DCC: variants seen among roughly 807,000 people sequenced by gnomAD.
DCC encodes the protein DCC netrin 1 receptor, also known as netrin receptor DCC.
Under a neutral mutation model 172.5 loss-of-function variants are expected in DCC, and 58 were observed. That is an observed-to-expected ratio of 0.34 (90% CI 0.27 to 0.42). The LOEUF is 0.42. DCC is among the 10% of genes least tolerant of loss of function. The pLI, the probability that DCC is intolerant of heterozygous loss-of-function variation, is 1.00. For missense variants in DCC, 1,740 were observed against 1,791.0 expected, an observed-to-expected ratio of 0.97 and a Z score of 0.51; for synonymous variants, 709 against 644.5, an observed-to-expected ratio of 1.10 and a Z score of -1.52.
chr18:52,600,260 T>C (rs1239239125), intron 1 of DCC, among the ~76,000 whole-genome samples: 1 of 152,184 alleles, frequency 6.6e-6, no homozygotes, highest in Non-Finnish European at 1.5e-5. Flanking sequence ...TTTATTGAAA[T>C]GACCAGGTTT....
At chr18:52,957,500 CT>C (rs1313912191) in intron 5 of DCC, among the ~76,000 whole-genome samples, 4 of 152,060 alleles carry the variant, frequency 2.6e-5, no homozygotes, top group African/African-American at 4.8e-5. Context: ...TGTAGAACAT[CT>C]GCTAAATACC....
rs905278116 is a variant in DCC at position 53,308,219 on chromosome 18, T to G, written c.2053+2500T>G. ...TGGAATACTATATGTCTAATTTAAATGAAATAGTGTAAAAATGTTAAATCA... is the reference window on the plus strand; with the variant it reads ...TGGAATACTATATGTCTAATTTAAAGGAAATAGTGTAAAAATGTTAAATCA... On this transcript the variant is annotated intron_variant, in intron 13 of 28. Transcript: ENST00000442544. Among the ~76,000 whole-genome samples, 3 of 151,678 alleles carry G rather than the reference T, an allele frequency of 2.0e-5. No individual in the cohort carries two copies. In the South Asian group the frequency reaches 6.2e-4, roughly 31 times the overall value.
chr18:52,505,669 C>T (rs554411969), intron 1 of DCC, among the ~76,000 whole-genome samples: 66 of 152,182 alleles, frequency 4.3e-4, no homozygotes, highest in African/African-American at 1.5e-3. Flanking sequence ...TCCACACCAT[C>T]TGAGAATTGA....
intron 1 of DCC, among the ~76,000 whole-genome samples, chr18:52,570,699 A>G (rs1184449486): frequency 6.6e-6 from 1 of 152,212 alleles, no homozygotes; most frequent in Non-Finnish European, 1.5e-5. Flanking sequence ...TGGTCTCATG[A>G]TACTAAATTC....
At chr18:53,176,538 C>A (rs1476661918) in intron 8 of DCC, among the ~76,000 whole-genome samples, 1 of 151,596 alleles carries the variant, frequency 6.6e-6, no homozygotes, top group African/African-American at 2.4e-5. Flanking sequence ...AGACACTTCT[C>A]AAAAGAAGAC....
intron 14 of DCC, among the ~76,000 whole-genome samples, chr18:53,324,697 G>A (rs1265795207): frequency 6.6e-6 from 1 of 151,928 alleles, no homozygotes. Context: ...AAAGTCATGA[G>A]GTTATAATTT....
At chr18:52,367,585 T>C (rs529497363) in intron 1 of DCC, among the ~76,000 whole-genome samples, 5 of 152,376 alleles carry the variant, frequency 3.3e-5, no homozygotes, top group Admixed American at 2.6e-4. Flanking sequence ...TGTTATGTAT[T>C]GGCTTTTCTC....
intron 1 of DCC, among the ~76,000 whole-genome samples, chr18:52,517,956 T>C (rs1261994014): frequency 1.3e-5 from 2 of 152,220 alleles, no homozygotes; most frequent in Non-Finnish European, 2.9e-5. Flanking sequence ...ATTTATTTTA[T>C]TGTTGATGGA....
chr18:52,431,756 T>C (rs1210016266), intron 1 of DCC, among the ~76,000 whole-genome samples: 2 of 152,238 alleles, frequency 1.3e-5, no homozygotes, highest in East Asian at 3.9e-4. Flanking sequence ...ACTAGCCTTT[T>C]TTCACGAGGC....
intron 15 of DCC, among the ~76,000 whole-genome samples, chr18:53,355,999 A>G (rs1050976652): frequency 2.0e-5 from 3 of 152,086 alleles, no homozygotes; most frequent in Non-Finnish European, 4.4e-5. Flanking sequence ...CTTTCTCCCA[A>G]TATCACTGTT....
rs532981044 is a variant in DCC, at chr18:53,017,974, T to C, written c.986-45331T>C. ...TTTGGGTTGCAACAGCATTTATCAA[T>C]GCACCAACACAATCTGCATTCCACT... On this transcript the variant is annotated intron_variant, in intron 5 of 28. Transcript: ENST00000442544. Among the ~76,000 whole-genome samples, 6 of 152,306 alleles carry C rather than the reference T, an allele frequency of 3.9e-5. No homozygotes were observed. In the South Asian group the frequency reaches 6.2e-4, roughly 16 times the overall value.
chr18:52,702,731 T>C (rs745546941), intron 1 of DCC, among the ~76,000 whole-genome samples: 2 of 152,152 alleles, frequency 1.3e-5, no homozygotes, highest in Non-Finnish European at 2.9e-5. Flanking sequence ...GGAATTCACA[T>C]TGCAAATTGT....
chr18:53,375,553 T>TTTA (rs1441896498), intron 15 of DCC, among the ~76,000 whole-genome samples: 1 of 152,106 alleles, frequency 6.6e-6, no homozygotes, highest in East Asian at 1.9e-4. Context: ...ATGAACAATA[T>TTTA]TTATATTTCT....
intron 1 of DCC, among the ~76,000 whole-genome samples, chr18:52,629,693 G>A (rs2034638175): frequency 1.3e-5 from 2 of 152,030 alleles, no homozygotes; most frequent in African/African-American, 4.8e-5. Flanking sequence ...GCTCACGCCT[G>A]TAATCCCAGC....
intron 5 of DCC, among the ~76,000 whole-genome samples, chr18:53,021,741 A>T (rs1365798976): frequency 6.6e-6 from 1 of 152,250 alleles, no homozygotes; most frequent in African/African-American, 2.4e-5. Flanking sequence ...AGAGAAAGAA[A>T]GCACGTCACT....
intron 11 of DCC, among the ~76,000 whole-genome samples, chr18:53,213,977 T>C (rs953150456): frequency 1.3e-5 from 2 of 151,928 alleles, no homozygotes; most frequent in Non-Finnish European, 2.9e-5. Context: ...TTTATTAATA[T>C]ATTTATTCAG....
At chr18:52,620,939 G>T (rs781639303) in intron 1 of DCC, among the ~76,000 whole-genome samples, 10 of 152,190 alleles carry the variant, frequency 6.6e-5, no homozygotes, top group Admixed American at 2.0e-4. Context: ...TCTAACAAGG[G>T]AGACTTTCCC....
intron 12 of DCC, among the ~76,000 whole-genome samples, chr18:53,224,399 G>A (rs151072870): frequency 1.8e-3 from 279 of 152,320 alleles, no homozygotes; most frequent in African/African-American, 6.4e-3. Flanking sequence ...GGCCAGATCT[G>A]GCGGGGCTTT....
chr18:53,129,006 C>G (rs1021704623), intron 7 of DCC, among the ~76,000 whole-genome samples: 2 of 151,568 alleles, frequency 1.3e-5, no homozygotes, highest in Non-Finnish European at 2.9e-5. Context: ...CCTGCCTCAG[C>G]TTCCTGAGTA....
Sources: gnomAD v4.1 joint callset for allele counts (sites outside exome capture counted in the v4.1 genomes callset) on GRCh38, gnomAD v4.1.1 for gene constraint, MANE v1.5 for transcripts, NCBI Gene and HGNC (gene_info 2026-07-23, HGNC 2026-07-21) for gene names.